The following VPS50 variants were observed in gnomAD, a reference collection of about 807,000 sequenced individuals.
VPS50 encodes the protein VPS50 subunit of EARP/GARPII complex.
VPS50 carries 70 observed loss-of-function variants against 139.7 expected under a neutral mutation model. The observed-to-expected ratio is 0.50, with a 90% CI of 0.41 to 0.61. The LOEUF (loss-of-function observed/expected upper bound fraction) is 0.61, where lower values mean the gene tolerates loss of function less well. VPS50 is among the 20% of genes least tolerant of loss of function. The probability of loss-of-function intolerance (pLI) is 0.00; values close to 1 mark genes in which losing one functional copy is unlikely to be tolerated. For synonymous variants in VPS50, 365 were observed against 376.7 expected (o/e 0.97, Z 0.36); for missense variants, 921 against 1,133.7 (o/e 0.81, Z 2.69).
At chr7:93,232,546 G>T in intron 1 of VPS50, 46 bp downstream of exon 1, 1 of 1,515,252 alleles carries the variant, frequency 6.6e-7, no homozygotes, top group Non-Finnish European at 9.2e-7. Flanking sequence ...TCTCGGAAGT[G>T]AGAGGAGCCG....
intron 15 of VPS50, 147 bp downstream of exon 15, chr7:93,296,983 C>G: frequency 7.0e-7 from 1 of 1,432,042 alleles, no homozygotes; most frequent in Non-Finnish European, 9.1e-7. Context: ...AATATTTCTG[C>G]CCTTTGGGTG....
intron 24 of VPS50, 74 bp from the exon 25 acceptor site, chr7:93,349,801 C>T: frequency 1.8e-6 from 2 of 1,082,202 alleles, no homozygotes; most frequent in Admixed American, 4.2e-5. Context: ...ATACTGGAAA[C>T]AGGGGCAAGT....
chr7:93,245,848 C>T (rs2188509), intron 2 of VPS50, among the ~76,000 whole-genome samples: 32,292 of 151,638 alleles, frequency 0.21, 5,223 homozygotes, highest in African/African-American at 0.43. Context: ...TTTAGGAGAA[C>T]GTGCCATTTC....
chr7:93,307,858 G>A (rs1332932756), intron 18 of VPS50, among the ~76,000 whole-genome samples: 3 of 151,746 alleles, frequency 2.0e-5, no homozygotes, highest in Non-Finnish European at 1.5e-5. Flanking sequence ...ATTTAAATAC[G>A]ACCTTTCATA....
intron 21 of VPS50, chr7:93,333,795 GTA>G (rs1562892206): frequency 6.4e-6 from 2 of 313,102 alleles, no homozygotes; most frequent in Non-Finnish European, 1.2e-5. Flanking sequence ...ACAACAGAGT[GTA>G]ATATGTTTAT....
chr7:93,247,029 A>T (rs1358092770), intron 2 of VPS50, among the ~76,000 whole-genome samples: 1 of 151,940 alleles, frequency 6.6e-6, no homozygotes, highest in African/African-American at 2.4e-5. Flanking sequence ...TTCACTTTTC[A>T]TAAAGTTATA....
chr7:93,246,288 A>G (rs1795151997), intron 2 of VPS50, among the ~76,000 whole-genome samples: 1 of 151,872 alleles, frequency 6.6e-6, no homozygotes, highest in Non-Finnish European at 1.5e-5. Context: ...CTCAACACAC[A>G]CACACACATA....
intron 4 of VPS50, among the ~76,000 whole-genome samples, chr7:93,256,257 A>G (rs1460535960): frequency 6.6e-6 from 1 of 152,206 alleles, no homozygotes. Context: ...TACACATATT[A>G]TTAACAATAA....
At chr7:93,261,761 C>T (rs1795691624) in intron 9 of VPS50, among the ~76,000 whole-genome samples, 2 of 151,766 alleles carry the variant, frequency 1.3e-5, no homozygotes, top group African/African-American at 2.4e-5. Context: ...ATCTAACTCT[C>T]CTTCCGGGAT....
intron 2 of VPS50, among the ~76,000 whole-genome samples, chr7:93,240,135 C>A (rs545262636): frequency 4.0e-5 from 6 of 150,570 alleles, no homozygotes; most frequent in African/African-American, 9.8e-5. Context: ...TGCATTATAG[C>A]AAAGCAAAAA....
intron 23 of VPS50, 115 bp downstream of exon 23, chr7:93,341,690 CTT>C (rs1398792497): frequency 1.7e-6 from 1 of 600,640 alleles, no homozygotes; most frequent in Non-Finnish European, 2.8e-6. Flanking sequence ...CTAAATATCA[CTT>C]ATATGTTTCT....
intron 20 of VPS50, among the ~76,000 whole-genome samples, chr7:93,314,102 C>T (rs988670105): frequency 4.6e-5 from 7 of 152,068 alleles, no homozygotes; most frequent in Admixed American, 2.0e-4. Context: ...CTATTCCATC[C>T]GCTGTTGTTA....
rs1013279453 is a variant in VPS50, at chr7:93,232,600, T to TG, written c.33+103dup. On this transcript the variant is annotated intron_variant, in intron 1 of 27. Coordinates refer to ENST00000305866, the MANE Select transcript of VPS50 (RefSeq NM_017667.4). The stretch of plus-strand genomic sequence containing the variant: ...CAGTGGCGGGCGGGGATCTAAGTTA[T>TG]GGGTGGTGGCAGGTGTCAGGGGGAC... 3.7e-6 allele frequency: 4 copies of TG among 1,082,230 alleles called. No individual in the cohort carries two copies. In the African/African-American group the frequency reaches 6.2e-5, roughly 17 times the overall value. The allele number at this position is 1,082,230 out of a possible 1,614,324, so 67.0% of individuals were successfully genotyped here.
chr7:93,338,140 C>T (rs1409262004), intron 22 of VPS50, among the ~76,000 whole-genome samples: 1 of 152,038 alleles, frequency 6.6e-6, no homozygotes, highest in East Asian at 1.9e-4. Context: ...GTTGAGAGCA[C>T]TCTAAGAGGT....
At chr7:93,325,822 A>G (rs1024828403) in intron 21 of VPS50, among the ~76,000 whole-genome samples, 2 of 151,198 alleles carry the variant, frequency 1.3e-5, no homozygotes, top group African/African-American at 4.9e-5. Context: ...GATGTGGAGA[A>G]ATAGGAACAC....
At chr7:93,240,078 T>C in intron 2 of VPS50, 144 bp downstream of exon 2, 1 of 574,538 alleles carries the variant, frequency 1.7e-6, no homozygotes, top group Non-Finnish European at 3.2e-6. Context: ...TATTGTATAG[T>C]AGGTGTAGGG....
At chr7:93,334,683 A>G (rs1027405369) in intron 22 of VPS50, among the ~76,000 whole-genome samples, 1 of 152,190 alleles carries the variant, frequency 6.6e-6, no homozygotes, top group African/African-American at 2.4e-5. Flanking sequence ...TTGAAATTCA[A>G]GGAGAAAGTT....
intron 21 of VPS50, among the ~76,000 whole-genome samples, chr7:93,325,191 G>A (rs1797733867): frequency 6.6e-6 from 1 of 152,146 alleles, no homozygotes; most frequent in South Asian, 2.1e-4. Flanking sequence ...AACAAGCAAT[G>A]GGGAAAGGAT....
chr7:93,299,797 A>G (rs1262740933), intron 16 of VPS50, among the ~76,000 whole-genome samples: 2 of 152,072 alleles, frequency 1.3e-5, no homozygotes, highest in Non-Finnish European at 2.9e-5. Context: ...TTTATTTCCC[A>G]TTTTTTAAAA....
Sources: allele counts gnomAD v4.1 joint callset (sites outside exome capture counted in the v4.1 genomes callset), GRCh38; gene constraint gnomAD v4.1.1; transcripts MANE v1.5; gene names NCBI Gene and HGNC (gene_info 2026-07-23, HGNC 2026-07-21).